PIP5K1B: variants seen among roughly 807,000 people sequenced by gnomAD.
PIP5K1B encodes the protein phosphatidylinositol 4-phosphate 5-kinase type-1 beta.
In PIP5K1B, 42 loss-of-function variants were observed where a neutral mutation model predicts 67.0. The ratio of observed to expected loss-of-function variants is 0.63; its 90% CI spans 0.49 to 0.81. The LOEUF is 0.81. PIP5K1B is among the 30% of genes least tolerant of loss of function. PIP5K1B has a pLI of 0.00. For synonymous variants in PIP5K1B, 214 were observed against 231.4 expected (o/e 0.92, Z 0.68); for missense variants, 459 against 646.3 (o/e 0.71, Z 3.14).
intron 2 of PIP5K1B, among the ~76,000 whole-genome samples, chr9:68,760,472 A>C (rs1830134974): frequency 6.6e-6 from 1 of 152,066 alleles, no homozygotes; most frequent in Admixed American, 6.6e-5. Context: ...GTTTCTCATT[A>C]GCTGCTGAGG....
chr9:68,794,782 G>A (rs895378425), intron 2 of PIP5K1B, among the ~76,000 whole-genome samples: 2 of 151,850 alleles, frequency 1.3e-5, no homozygotes, highest in African/African-American at 4.8e-5. Flanking sequence ...AATTGTTGCT[G>A]AATAGTGGGA....
chr9:68,706,182 G>A (rs1368730547), intron 1 of PIP5K1B: 1 of 152,346 alleles, frequency 6.6e-6, no homozygotes, highest in African/African-American at 2.4e-5. Flanking sequence ...CTTGCGAGTT[G>A]GTGTTCTGCT....
chr9:68,723,695 G>GTTTTTTTTTTTTTT (rs36021674), intron 1 of PIP5K1B, among the ~76,000 whole-genome samples: 8 of 50,124 alleles, frequency 1.6e-4, no homozygotes, highest in African/African-American at 2.6e-4. Context: ...GAAGTATTTG[G>GTTTTTTTTTTTTTT]TTTTTTTTTT....
At chr9:68,716,153 A>C (rs1827623897) in intron 1 of PIP5K1B, among the ~76,000 whole-genome samples, 1 of 152,232 alleles carries the variant, frequency 6.6e-6, no homozygotes, top group Admixed American at 6.5e-5. Context: ...GGGAATGATT[A>C]TTTAGAGGAA....
chr9:68,908,477 C>T (rs567525462), intron 8 of PIP5K1B, among the ~76,000 whole-genome samples: 7 of 151,158 alleles, frequency 4.6e-5, no homozygotes, highest in African/African-American at 1.7e-4. Context: ...CCAGTACAGC[C>T]CAAGTTCTAA....
At chr9:68,789,457 C>T in intron 2 of PIP5K1B, 1 of 507,332 alleles carries the variant, frequency 2.0e-6, no homozygotes, top group Non-Finnish European at 4.0e-6. Context: ...AGACCTCCAT[C>T]TGGATCACAG....
At chr9:68,986,639 C>T (rs920576143) in intron 14 of PIP5K1B, among the ~76,000 whole-genome samples, 1 of 151,982 alleles carries the variant, frequency 6.6e-6, no homozygotes, top group East Asian at 1.9e-4. Context: ...AAATTTTGAC[C>T]TTATGATACT....
intron 4 of PIP5K1B, 56 bp downstream of exon 4, chr9:68,822,739 A>C: frequency 8.3e-7 from 1 of 1,198,906 alleles, no homozygotes; most frequent in South Asian, 1.2e-5. Context: ...TTGGCACGTG[A>C]ATATTATCAA....
chr9:68,804,321 C>A (rs1014444892), intron 2 of PIP5K1B, among the ~76,000 whole-genome samples: 1 of 152,056 alleles, frequency 6.6e-6, no homozygotes, highest in African/African-American at 2.4e-5. Context: ...GGAGAACATA[C>A]CTTAGCTGTG....
chr9:68,855,367 T>A (rs1487649886), intron 4 of PIP5K1B, among the ~76,000 whole-genome samples: 1 of 152,188 alleles, frequency 6.6e-6, no homozygotes, highest in African/African-American at 2.4e-5. Flanking sequence ...ACCCCTTGGT[T>A]TTCAATATCA....
intron 8 of PIP5K1B, among the ~76,000 whole-genome samples, chr9:68,913,489 G>T (rs1825948692): frequency 6.6e-6 from 1 of 152,194 alleles, no homozygotes; most frequent in Admixed American, 6.5e-5. Context: ...ATGAGTAACG[G>T]AACTATTTTG....
chr9:68,986,235 A>G (rs768556518), intron 14 of PIP5K1B, among the ~76,000 whole-genome samples: 3 of 152,124 alleles, frequency 2.0e-5, no homozygotes, highest in Non-Finnish European at 4.4e-5. Context: ...CAGTTGCTCT[A>G]CCTCCTCTCC....
At chr9:68,973,289 A>G (rs577159600) in intron 14 of PIP5K1B, among the ~76,000 whole-genome samples, 203 of 152,346 alleles carry the variant, frequency 1.3e-3, no homozygotes, top group African/African-American at 4.4e-3. Flanking sequence ...CAAGAAAAAA[A>G]AATCTAAGGA....
chr9:68,711,057 C>T (rs995289797), intron 1 of PIP5K1B, among the ~76,000 whole-genome samples: 31 of 152,240 alleles, frequency 2.0e-4, no homozygotes, highest in South Asian at 1.9e-3. Flanking sequence ...AAAGTTCAGA[C>T]AGGACTGCAG....
chr9:69,001,878 C>G (rs906630785), intron 15 of PIP5K1B, among the ~76,000 whole-genome samples: 1 of 152,214 alleles, frequency 6.6e-6, no homozygotes, highest in Non-Finnish European at 1.5e-5. Context: ...CAGTATAAAT[C>G]ACTGATGCTC....
intron 14 of PIP5K1B, among the ~76,000 whole-genome samples, chr9:68,976,870 C>A (rs745761317): frequency 8.0e-4 from 121 of 152,160 alleles, no homozygotes; most frequent in Non-Finnish European, 1.4e-3. Flanking sequence ...TGGTTCCTAG[C>A]GGGCCACAGA....
chr9:68,716,722 A>G (rs1343065558), intron 1 of PIP5K1B, among the ~76,000 whole-genome samples: 1 of 152,250 alleles, frequency 6.6e-6, no homozygotes, highest in Non-Finnish European at 1.5e-5. Flanking sequence ...CATTCAACCC[A>G]GCAATCCCAT....
intron 1 of PIP5K1B, among the ~76,000 whole-genome samples, chr9:68,740,801 A>G (rs1411981298): frequency 2.6e-5 from 4 of 152,240 alleles, no homozygotes; most frequent in African/African-American, 9.7e-5. Context: ...GCAACGTGAT[A>G]TAATGGGAGT....
At chr9:68,887,979 C>CTT (rs71353088) in intron 6 of PIP5K1B, among the ~76,000 whole-genome samples, 1 of 107,170 alleles carries the variant, frequency 9.3e-6, no homozygotes, top group Non-Finnish European at 2.0e-5. Flanking sequence ...GGAATCCAGC[C>CTT]TTTTTTTTTT....
Sources: allele counts gnomAD v4.1 joint callset (sites outside exome capture counted in the v4.1 genomes callset), GRCh38; gene constraint gnomAD v4.1.1; transcripts MANE v1.5; gene names NCBI Gene and HGNC (gene_info 2026-07-23, HGNC 2026-07-21).